Variants in PKLR observed in about 807,000 individuals in gnomAD.
The protein encoded by PKLR is pyruvate kinase L/R, also known as pyruvate kinase PKLR.
Under a neutral mutation model 53.6 loss-of-function variants are expected in PKLR, and 38 were observed. That is an observed-to-expected ratio of 0.71 (90% confidence interval 0.55 to 0.93). The LOEUF (loss-of-function observed/expected upper bound fraction) is 0.93. Ranked by LOEUF, PKLR falls within the 40% of genes least tolerant of loss-of-function variation. The pLI is 0.00. For synonymous variants in PKLR, 328 were observed against 316.2 expected, an observed-to-expected ratio of 1.04 and a Z score of -0.39; for missense variants, 702 against 787.3, an observed-to-expected ratio of 0.89 and a Z score of 1.30.
chr1:155,295,358 C>T lies in PKLR; in HGVS notation c.508-56G>A, dbSNP rs978811726. The T allele has an allele frequency of 6.2e-6, 10 of 1,613,204 alleles. No homozygotes were observed. The highest frequency in any genetic ancestry group is 1.3e-5 in the African/African-American group (1 of 75,058). On this transcript the variant is annotated intron_variant, in intron 4 of 10. Coordinates refer to ENST00000342741, the MANE Select transcript of PKLR (RefSeq NM_000298.6). This position sits in a 1 kb window ranked among gnomAD's most constrained non-coding sequence, Gnocchi z 4.3. ...CTGAGCCCCGGAGTCCGGGACCCGC[C>T]CCTGCCCACGCCTGGGCCCAACCCT...
chr1:155,295,820 C>T lies in PKLR; in HGVS notation c.284-64G>A, dbSNP rs1414397517. On this transcript the variant is annotated intron_variant, in intron 2 of 10. Transcript: ENST00000342741. This position sits in a 1 kb window ranked among gnomAD's most constrained non-coding sequence, Gnocchi z 4.3. ...GAACATGAGAGGCAACCAAACCCAACCCATTACCATTCTCAGAACGCCTCA... is the reference window on the plus strand; with the variant it reads ...GAACATGAGAGGCAACCAAACCCAATCCATTACCATTCTCAGAACGCCTCA... The T allele has an allele frequency of 7.2e-7, 1 of 1,396,870 alleles. No individual in the cohort carries two copies. Among genetic ancestry groups the T allele is most frequent in the Non-Finnish European group, 1.0e-6 (1 of 983,310 alleles). The allele number at this position is 1,396,870 out of a possible 1,614,324, so 86.5% of individuals were successfully genotyped here.
At chr1:155,291,701 T>TG in intron 10 of PKLR, 55 bp downstream of exon 10, 2 of 1,531,994 alleles carry the variant, frequency 1.3e-6, no homozygotes, top group South Asian at 1.1e-5. Context: ...GAAGCTGGGT[T>TG]GGGGGGCTCC....
At position 155,290,494 on chromosome 1, in the gene PKLR, G is replaced by A. The variant is rs563189341; in HGVS notation, c.*78C>T. On this transcript the variant is annotated 3_prime_UTR_variant, in exon 11 of 11. Coordinates refer to ENST00000342741, the MANE Select transcript of PKLR (RefSeq NM_000298.6). The stretch of plus-strand genomic sequence containing the variant: ...GACTTAAAGGTGGGGCTTTGGAGGG[G>A]TGTGGGCTGGAGAACGTAGACTGGG... 17 of 845,540 alleles carry A rather than the reference G, an allele frequency of 2.0e-5. No individual in the cohort carries two copies. Among genetic ancestry groups the A allele is most frequent in the Non-Finnish European group, 3.2e-5 (16 of 495,898 alleles). The allele number at this position is 845,540 out of a possible 1,614,324, so 52.4% of individuals were successfully genotyped here. A position where few individuals can be genotyped will look rare whatever the true frequency, so the allele number is the denominator to read the frequency against.
intron 1 of PKLR, 65 bp downstream of exon 1, chr1:155,301,231 C>T: frequency 6.3e-7 from 1 of 1,579,780 alleles, no homozygotes. Flanking sequence ...TGCCCTCCAC[C>T]CTGGCTCCTA....
At chr1:155,291,495 A>G (rs932982966) in intron 10 of PKLR, among the ~76,000 whole-genome samples, 1 of 143,876 alleles carries the variant, frequency 7.0e-6, no homozygotes, top group Non-Finnish European at 1.5e-5. Context: ...ACTCTCTCTC[A>G]AAAAAAAAAA....
In PKLR at chr1:155,290,519, G is replaced by T; in HGVS notation, c.*53C>A. The T allele has an allele frequency of 9.4e-7, 1 of 1,064,582 alleles. No homozygotes were observed. Among genetic ancestry groups the T allele is most frequent in the Non-Finnish European group, 1.5e-6 (1 of 684,372 alleles). 65.9% of individuals were successfully genotyped at this position (1,064,582 alleles called of 1,614,324 possible). A position where few individuals can be genotyped will look rare whatever the true frequency, so the allele number is the denominator to read the frequency against. ...GTGTGGGCTGGAGAACGTAGACTGG[G>T]GAGGAAGGGATGGGGTACAAGGGTA... On this transcript the variant is annotated 3_prime_UTR_variant, in exon 11 of 11. Transcript: ENST00000342741.
chr1:155,301,169 C>T (rs538034287), intron 1 of PKLR, 127 bp downstream of exon 1: 853 of 1,342,758 alleles, frequency 6.4e-4, no homozygotes, highest in Admixed American at 1.0e-3. Context: ...CTCTGAAGAA[C>T]GTACGTTCCT....
intron 6 of PKLR, 43 bp downstream of exon 6, chr1:155,294,439 G>A (rs756395217): frequency 2.5e-6 from 4 of 1,614,104 alleles, no homozygotes; most frequent in Admixed American, 3.3e-5. Flanking sequence ...AAGGTGATGG[G>A]GAATAGCGAC....
chr1:155,308,331 T>C, the PKLR span, among the ~76,000 whole-genome samples: 1 of 151,882 alleles, frequency 6.6e-6, no homozygotes, highest in African/African-American at 2.4e-5. Flanking sequence ...CCTCCCAAAG[T>C]GCTGGGATTA....
intron 9 of PKLR, among the ~76,000 whole-genome samples, chr1:155,292,479 T>C (rs1358995104): frequency 6.6e-6 from 1 of 151,930 alleles, no homozygotes; most frequent in Non-Finnish European, 1.5e-5. Context: ...CTACTAAAAA[T>C]ACAAAAAATA....
chr1:155,299,097 C>A (rs1647827363), intron 2 of PKLR, among the ~76,000 whole-genome samples: 1 of 149,464 alleles, frequency 6.7e-6, no homozygotes, highest in African/African-American at 2.5e-5. Flanking sequence ...TTCTTTCTTG[C>A]CTGCTTGCTT....
chr1:155,293,567 CTTG>C lies in PKLR; in HGVS notation c.1137_1139del (p.Lys380del), dbSNP rs1316680787. ...TTGTCTCTGCCCTCGTTGGCCGGGGCTTGGTAATCATGCTCTCCAGCATCTGGG... is the reference window on the plus strand; with the variant it reads ...TTGTCTCTGCCCTCGTTGGCCGGGGCGTAATCATGCTCTCCAGCATCTGGG... On this transcript the variant is annotated inframe_deletion, in exon 8 of 11. Coordinates refer to ENST00000342741, the MANE Select transcript of PKLR (RefSeq NM_000298.6). This position sits in a 1 kb window ranked among gnomAD's most constrained non-coding sequence, Gnocchi z 4.2. 4.3e-6 allele frequency: 7 copies of C among 1,614,048 alleles called. No homozygotes were observed. Among genetic ancestry groups the C allele is most frequent in the Non-Finnish European group, 5.9e-6 (7 of 1,180,044 alleles).
rs886045350 is a variant in PKLR, at chr1:155,290,297, G to A, written c.*275C>T. 5.9e-6 allele frequency: 3 copies of A among 508,504 alleles called. No individual in the cohort carries two copies. The highest frequency in any genetic ancestry group is 1.1e-5 in the Non-Finnish European group (3 of 279,956). The allele number at this position is 508,504 out of a possible 1,614,324, so 31.5% of individuals were successfully genotyped here. The stretch of plus-strand genomic sequence containing the variant: ...CATCTTAGGGCCTGCTGAGCAGATT[G>A]GATGCAGGGAATGTACAATTGGTGC... On this transcript the variant is annotated 3_prime_UTR_variant, in exon 11 of 11. Coordinates refer to ENST00000342741, the MANE Select transcript of PKLR (RefSeq NM_000298.6).
intron 2 of PKLR, among the ~76,000 whole-genome samples, chr1:155,299,491 C>CTTTTTTTTTTTTTTTTTTT (rs35869567): frequency 7.0e-5 from 3 of 42,760 alleles, no homozygotes; most frequent in African/African-American, 2.0e-4. Flanking sequence ...GCCCAGCCCA[C>CTTTTTTTTTTTTTTTTTTT]TTTTTTTTTT....
intron 1 of PKLR, 143 bp downstream of exon 1, chr1:155,301,153 G>A (rs755625672): frequency 3.1e-4 from 411 of 1,323,806 alleles, no homozygotes; most frequent in Non-Finnish European, 3.7e-4. Context: ...TTTAACACAC[G>A]GGAGGCTCTG....
chr1:155,290,902 T>C (rs572376416), intron 10 of PKLR, among the ~76,000 whole-genome samples: 113 of 150,750 alleles, frequency 7.5e-4, no homozygotes, highest in Admixed American at 4.0e-3. Flanking sequence ...GGCAGGAGAA[T>C]CGCTTGAACT....
At chr1:155,306,356 AC>A (rs1648234533), upstream of PKLR, among the ~76,000 whole-genome samples, 1 of 152,094 alleles carries the variant, frequency 6.6e-6, no homozygotes, top group Non-Finnish European at 1.5e-5. This position sits in a 1 kb window ranked among gnomAD's most constrained non-coding sequence, Gnocchi z 4.2. Context: ...CATGGACTGA[AC>A]CCCCATATGG....
At position 155,294,599 on chromosome 1, in the gene PKLR, A is replaced by T. The variant is rs1647438800; in HGVS notation, c.848T>A (p.Val283Asp). Reference sequence around the variant, plus strand: ...GGCTTTCCGCACAAAGGAGGCAAAGACGATGTCCACCCCATGCTCCACCCC... The same window carrying T: ...GGCTTTCCGCACAAAGGAGGCAAAGTCGATGTCCACCCCATGCTCCACCCC... Reference protein sequence around the residue: ...RFGVEHGVDIVFASFVRKASD... With the variant: ...RFGVEHGVDIDFASFVRKASD... The change falls in exon 6 of 11, where the codon GTC (valine) becomes GAC (aspartate). Residue 283 changes from valine (V) to aspartate (D), a missense_variant. Val to Asp is a radical substitution (Grantham distance 152). Around this residue, in one of 2 missense-constraint regions of PKLR, gnomAD observed 519 missense variants for 537.1 expected, o/e 0.97. Transcript: ENST00000342741. The T allele has an allele frequency of 1.2e-6, 2 of 1,614,094 alleles. No homozygotes were observed. The highest frequency in any genetic ancestry group is 1.7e-6 in the Non-Finnish European group (2 of 1,180,042).
rs1410772302 is a variant in PKLR, at chr1:155,295,858, C to A, written c.284-102G>T. ...TCAGAACGCCTCACGCCACAGGCGT[C>A]CTGTTACCTGATCTTTATTCCCTGA... On this transcript the variant is annotated intron_variant, in intron 2 of 10. Transcript: ENST00000342741. The surrounding 1 kb of genome is among the most constrained non-coding windows in gnomAD (Gnocchi z 4.3). 4 of 934,494 alleles carry A rather than the reference C, an allele frequency of 4.3e-6. No homozygotes were observed. The South Asian group carries it at 5.3e-5, about 12-fold the overall frequency. 57.9% of individuals were successfully genotyped at this position (934,494 alleles called of 1,614,324 possible).
Sources: allele counts gnomAD v4.1 joint callset (sites outside exome capture counted in the v4.1 genomes callset), GRCh38; gene constraint gnomAD v4.1.1; regional missense constraint gnomAD v4.1.1; non-coding constraint Gnocchi (gnomAD v3.1); transcripts MANE v1.5; gene names NCBI Gene and HGNC (gene_info 2026-07-23, HGNC 2026-07-21).